LAMA2: variants seen among roughly 807,000 people sequenced by gnomAD.
The protein encoded by LAMA2 is laminin subunit alpha-2.
A neutral mutation model predicts 364.8 loss-of-function variants in LAMA2; 269 were observed. The ratio of observed to expected loss-of-function variants is 0.74; its 90% confidence interval spans 0.67 to 0.82. The LOEUF is 0.82. LAMA2 is among the 40% of genes least tolerant of loss of function. The pLI, the probability that LAMA2 is intolerant of heterozygous loss-of-function variation, is 0.00. For missense variants in LAMA2, 3,807 were observed against 3,873.2 expected (o/e 0.98, Z 0.45); for synonymous variants, 1,379 against 1,370.6 (o/e 1.01, Z -0.14).
At chr6:128,962,458 A>G (rs9482965) in intron 1 of LAMA2, among the ~76,000 whole-genome samples, 19,370 of 151,798 alleles carry the variant, frequency 0.13, 1,550 homozygotes, top group African/African-American at 0.23. Context: ...TTTAGAGGGT[A>G]GCTTAAGAGG....
At chr6:128,901,577 A>G (rs564253044) in intron 1 of LAMA2, among the ~76,000 whole-genome samples, 6 of 152,240 alleles carry the variant, frequency 3.9e-5, no homozygotes, top group Non-Finnish European at 7.3e-5. Context: ...TGTGAAGCAT[A>G]TGACACCAGC....
At chr6:129,037,519 T>C (rs1378227325) in intron 1 of LAMA2, among the ~76,000 whole-genome samples, 1 of 152,158 alleles carries the variant, frequency 6.6e-6, no homozygotes, top group Non-Finnish European at 1.5e-5. Flanking sequence ...CTATAAATGT[T>C]GAGACATTTT....
rs1370774972 is a variant in LAMA2, at chr6:129,396,998, AAAAAAAG to A, written c.5445+3749_5445+3755del. 2.3e-4 allele frequency among the ~76,000 whole-genome samples: 34 copies of A among 151,028 alleles called. No homozygotes were observed. In the East Asian group the frequency reaches 6.4e-3, roughly 28 times the overall value. On this transcript the variant is annotated intron_variant, in intron 37 of 64. Coordinates refer to ENST00000421865, the MANE Select transcript of LAMA2 (RefSeq NM_000426.4). ...CAGTGAGACAGTGTCTCAAAAAAAA[AAAAAAAG>A]AAAAAGAAAATAAAAGAAAACAATA...
chr6:128,921,747 T>A (rs1245812390), intron 1 of LAMA2, among the ~76,000 whole-genome samples: 1 of 151,436 alleles, frequency 6.6e-6, no homozygotes, highest in Non-Finnish European at 1.5e-5. Context: ...AGGGTACATG[T>A]GCACAATGTG....
chr6:129,354,080 T>A (rs1213905292), intron 32 of LAMA2, among the ~76,000 whole-genome samples: 1 of 152,224 alleles, frequency 6.6e-6, no homozygotes, highest in Non-Finnish European at 1.5e-5. Flanking sequence ...ATAGTATTCT[T>A]TTCCTCAAGG....
intron 12 of LAMA2, among the ~76,000 whole-genome samples, chr6:129,196,195 G>A (rs1781838699): frequency 6.6e-6 from 1 of 152,160 alleles, no homozygotes; most frequent in African/African-American, 2.4e-5. Flanking sequence ...AGTTTAAGAT[G>A]CACATTAGGA....
intron 10 of LAMA2, among the ~76,000 whole-genome samples, chr6:129,184,455 C>T (rs1365195107): frequency 6.6e-6 from 1 of 151,906 alleles, no homozygotes; most frequent in Non-Finnish European, 1.5e-5. Context: ...TCTGAGTCCT[C>T]TTTTTGATGA....
intron 1 of LAMA2, among the ~76,000 whole-genome samples, chr6:128,896,246 T>A (rs888108368): frequency 6.6e-6 from 1 of 152,074 alleles, no homozygotes; most frequent in Non-Finnish European, 1.5e-5. Context: ...TAGTATAATT[T>A]ATCTTTAAAA....
intron 1 of LAMA2, among the ~76,000 whole-genome samples, chr6:129,008,399 T>A (rs1264552881): frequency 6.6e-6 from 1 of 152,132 alleles, no homozygotes; most frequent in Non-Finnish European, 1.5e-5. Context: ...CAGACCCACA[T>A]GCTATTATAC....
At chr6:129,129,032 G>A (rs1285548316) in intron 4 of LAMA2, among the ~76,000 whole-genome samples, 3 of 152,212 alleles carry the variant, frequency 2.0e-5, no homozygotes, top group Non-Finnish European at 4.4e-5. Flanking sequence ...AAGGAGCCCA[G>A]CAATTCTGGG....
At chr6:129,279,404 CAA>C (rs779817343) in intron 17 of LAMA2, among the ~76,000 whole-genome samples, 9 of 152,090 alleles carry the variant, frequency 5.9e-5, no homozygotes, top group Non-Finnish European at 1.2e-4. Flanking sequence ...GAAATATGTG[CAA>C]AGAGAGAAGT....
chr6:129,403,823 T>A lies in LAMA2; in HGVS notation c.5729T>A (p.Ile1910Asn). 1 of 1,613,314 alleles carries A rather than the reference T, an allele frequency of 6.2e-7. No individual in the cohort carries two copies. ...LNDSSAVLDGILDEAKNISFN... is the reference protein window; with the variant it reads ...LNDSSAVLDGNLDEAKNISFN... ...CCTTTTTTGAATCATCCCACCAGAA[T>A]CCTTGATGAGGCTAAAAACATCTCC... Residue 1910 changes from isoleucine (I) to asparagine (N), a missense_variant and splice_region_variant, in exon 40 of 65, where the codon ATC becomes AAC. By Grantham distance (149) the Ile-to-Asn change is moderately radical (BLOSUM62 -3). Coordinates refer to ENST00000421865, the MANE Select transcript of LAMA2 (RefSeq NM_000426.4).
At chr6:129,070,360 C>G (rs574411901) in intron 3 of LAMA2, among the ~76,000 whole-genome samples, 1 of 152,072 alleles carries the variant, frequency 6.6e-6, no homozygotes, top group South Asian at 2.1e-4. Flanking sequence ...TGGAAAATAA[C>G]AAAACAAAAG....
At chr6:129,347,591 C>T (rs1776625079) in intron 30 of LAMA2, among the ~76,000 whole-genome samples, 1 of 152,132 alleles carries the variant, frequency 6.6e-6, no homozygotes. Flanking sequence ...AGAGAGCAAG[C>T]TCTGTAAATT....
At chr6:129,055,092 T>A (rs970552113) in intron 2 of LAMA2, among the ~76,000 whole-genome samples, 2 of 151,110 alleles carry the variant, frequency 1.3e-5, no homozygotes, top group South Asian at 4.2e-4. Flanking sequence ...TGTATATAAG[T>A]TATGATTTGT....
chr6:129,037,297 G>T (rs1786709467), intron 1 of LAMA2, among the ~76,000 whole-genome samples: 1 of 152,132 alleles, frequency 6.6e-6, no homozygotes, highest in Non-Finnish European at 1.5e-5. Context: ...TCTACCAAAA[G>T]TAAGATGAGA....
At chr6:129,406,885 C>T (rs1374351198) in intron 40 of LAMA2, among the ~76,000 whole-genome samples, 5 of 152,142 alleles carry the variant, frequency 3.3e-5, no homozygotes. Context: ...CCCAAAACCT[C>T]AAAAGTAGGG....
chr6:129,314,422 A>G (rs13213893), intron 23 of LAMA2, among the ~76,000 whole-genome samples: 1 of 150,098 alleles, frequency 6.7e-6, no homozygotes, highest in East Asian at 2.0e-4. Flanking sequence ...AAAAAAAAGT[A>G]CAATACCTTT....
intron 15 of LAMA2, among the ~76,000 whole-genome samples, chr6:129,264,058 T>C (rs1018147822): frequency 6.6e-6 from 1 of 152,152 alleles, no homozygotes; most frequent in Non-Finnish European, 1.5e-5. Flanking sequence ...TTACATTTTT[T>C]TGAAGAAGGC....
Sources: allele counts gnomAD v4.1 joint callset (sites outside exome capture counted in the v4.1 genomes callset), GRCh38; gene constraint gnomAD v4.1.1; transcripts MANE v1.5; gene names NCBI Gene and HGNC (gene_info 2026-07-23, HGNC 2026-07-21).